The following ZNF804A variants were observed in gnomAD, a reference collection of about 807,000 sequenced individuals.
ZNF804A encodes the protein zinc finger protein 804A.
In ZNF804A, 2 loss-of-function variants were observed where a neutral mutation model predicts 16.5. The ratio of observed to expected loss-of-function variants is 0.12; its 90% CI spans 0.05 to 0.38. ZNF804A has a LOEUF of 0.38. ZNF804A is among the 10% of genes least tolerant of loss of function. The pLI is 0.99. For synonymous variants in ZNF804A, 534 were observed against 489.6 expected, an observed-to-expected ratio of 1.09 and a Z score of -1.20; for missense variants, 1,473 against 1,390.7, an observed-to-expected ratio of 1.06 and a Z score of -0.94.
chr2:184,753,720 C>A (rs1693911246), intron 1 of ZNF804A, among the ~76,000 whole-genome samples: 2 of 151,746 alleles, frequency 1.3e-5, no homozygotes, highest in South Asian at 4.1e-4. Context: ...TAATCTCCAA[C>A]CTTGTGTTGA....
chr2:184,877,534 C>T (rs1435213585), intron 2 of ZNF804A, among the ~76,000 whole-genome samples: 1 of 151,842 alleles, frequency 6.6e-6, no homozygotes, highest in Non-Finnish European at 1.5e-5. Flanking sequence ...TTAAAATTCT[C>T]CTGGCACCTA....
At chr2:184,862,740 G>A (rs1196016436) in intron 1 of ZNF804A, among the ~76,000 whole-genome samples, 2 of 152,090 alleles carry the variant, frequency 1.3e-5, no homozygotes, top group African/African-American at 4.8e-5. Context: ...GCAAAGAGAT[G>A]GGGAAATACA....
chr2:184,900,169 C>A (rs926868239), intron 2 of ZNF804A, among the ~76,000 whole-genome samples: 1 of 152,098 alleles, frequency 6.6e-6, no homozygotes, highest in Non-Finnish European at 1.5e-5. Flanking sequence ...ATATCTCAGT[C>A]TTTTCATCTC....
In ZNF804A at chr2:184,718,450, A is replaced by G. The variant is rs947889766; in HGVS notation, c.111+119380A>G. Reference sequence around the variant, plus strand: ...TTAACTCATTTCAGCATTAACTCAAAAGTCCATAGCCCAAAGACTCATCTG... The same window carrying G: ...TTAACTCATTTCAGCATTAACTCAAGAGTCCATAGCCCAAAGACTCATCTG... On this transcript the variant is annotated intron_variant, in intron 1 of 3. Coordinates refer to ENST00000302277, the MANE Select transcript of ZNF804A (RefSeq NM_194250.2). Among the ~76,000 whole-genome samples the G allele has an allele frequency of 2.6e-5, 4 of 152,258 alleles. No homozygotes were observed. The East Asian group carries it at 7.7e-4, about 29-fold the overall frequency.
At chr2:184,859,265 AT>A (rs1385888527) in intron 1 of ZNF804A, among the ~76,000 whole-genome samples, 1 of 152,018 alleles carries the variant, frequency 6.6e-6, no homozygotes, top group African/African-American at 2.4e-5. Context: ...ATGCTGTTCA[AT>A]AAATTCCATA....
chr2:184,703,254 A>G (rs530786160), intron 1 of ZNF804A, among the ~76,000 whole-genome samples: 5 of 152,298 alleles, frequency 3.3e-5, no homozygotes, highest in African/African-American at 1.2e-4. Context: ...TAGTTTTATC[A>G]CTGGCTTGTT....
intron 2 of ZNF804A, among the ~76,000 whole-genome samples, chr2:184,881,590 A>C (rs1175083819): frequency 2.0e-5 from 3 of 152,110 alleles, no homozygotes; most frequent in Non-Finnish European, 4.4e-5. Context: ...GAAACCTTAG[A>C]AGCTAGCAGA....
chr2:184,621,502 A>G (rs530970459), intron 1 of ZNF804A, among the ~76,000 whole-genome samples: 2 of 151,846 alleles, frequency 1.3e-5, no homozygotes, highest in Non-Finnish European at 3.0e-5. Context: ...ATGCTACTAG[A>G]GAAAGTATGT....
intron 1 of ZNF804A, among the ~76,000 whole-genome samples, chr2:184,744,938 A>C (rs1361045135): frequency 6.6e-6 from 1 of 151,822 alleles, no homozygotes; most frequent in African/African-American, 2.4e-5. Flanking sequence ...AGTATTTCAG[A>C]CAATAGGGCC....
chr2:184,795,249 A>G (rs1344613026), intron 1 of ZNF804A, among the ~76,000 whole-genome samples: 1 of 152,174 alleles, frequency 6.6e-6, no homozygotes, highest in Non-Finnish European at 1.5e-5. Context: ...ATAAAACTCG[A>G]AATCAACTTC....
chr2:184,756,201 T>C (rs1387512146), intron 1 of ZNF804A, among the ~76,000 whole-genome samples: 1 of 151,922 alleles, frequency 6.6e-6, no homozygotes, highest in Admixed American at 6.6e-5. Flanking sequence ...GAAGGTGTGT[T>C]CTCATTATTT....
chr2:184,609,994 G>A (rs1440000457), intron 1 of ZNF804A, among the ~76,000 whole-genome samples: 1 of 152,134 alleles, frequency 6.6e-6, no homozygotes, highest in East Asian at 1.9e-4. Flanking sequence ...GGGACATTTG[G>A]GAGATGATTG....
intron 1 of ZNF804A, among the ~76,000 whole-genome samples, chr2:184,731,214 G>T (rs2105747490): frequency 8.9e-6 from 1 of 112,660 alleles, no homozygotes; most frequent in East Asian, 3.2e-4. Flanking sequence ...TCGTGCCACT[G>T]CACTCCAGCC....
chr2:184,734,769 T>G (rs919015334), intron 1 of ZNF804A, among the ~76,000 whole-genome samples: 3 of 152,190 alleles, frequency 2.0e-5, no homozygotes, highest in East Asian at 3.9e-4. Context: ...GATGCTGAAG[T>G]TTTAAACTAT....
At chr2:184,750,133 G>T (rs559386079) in intron 1 of ZNF804A, among the ~76,000 whole-genome samples, 8 of 151,168 alleles carry the variant, frequency 5.3e-5, no homozygotes, top group South Asian at 4.2e-4. Context: ...TACTTGTGTT[G>T]GTTAATTTTT....
intron 1 of ZNF804A, among the ~76,000 whole-genome samples, chr2:184,637,964 C>T (rs1323036243): frequency 1.3e-5 from 2 of 152,084 alleles, no homozygotes; most frequent in Non-Finnish European, 2.9e-5. Flanking sequence ...TTCTTATGAC[C>T]TCCAGTAATG....
chr2:184,628,216 G>C (rs1052996973), intron 1 of ZNF804A, among the ~76,000 whole-genome samples: 3 of 152,096 alleles, frequency 2.0e-5, no homozygotes, highest in Non-Finnish European at 2.9e-5. Flanking sequence ...TGGGAGTCTT[G>C]AGGCAGGATA....
At chr2:184,820,739 G>A (rs1695064997) in intron 1 of ZNF804A, among the ~76,000 whole-genome samples, 1 of 152,100 alleles carries the variant, frequency 6.6e-6, no homozygotes, top group South Asian at 2.1e-4. Flanking sequence ...CAAAATAAAT[G>A]TGCAAAAATC....
At chr2:184,627,535 G>A (rs1231369330) in intron 1 of ZNF804A, among the ~76,000 whole-genome samples, 2 of 152,006 alleles carry the variant, frequency 1.3e-5, no homozygotes. Context: ...GAAATGAATT[G>A]CATCTACAAT....
Sources: gnomAD v4.1 joint callset for allele counts (sites outside exome capture counted in the v4.1 genomes callset) on GRCh38, gnomAD v4.1.1 for gene constraint, MANE v1.5 for transcripts, NCBI Gene and HGNC (gene_info 2026-07-23, HGNC 2026-07-21) for gene names.